Variants in LIN28B observed in about 807,000 individuals in gnomAD.
LIN28B encodes the protein lin-28 RNA binding posttranscriptional regulator B.
LIN28B carries 5 observed loss-of-function variants against 21.9 expected under a neutral mutation model. That is an observed-to-expected ratio of 0.23 (90% CI 0.12 to 0.48). The LOEUF (loss-of-function observed/expected upper bound fraction) is 0.48, where lower values mean the gene tolerates loss of function less well. Among genes scored for constraint, LIN28B ranks in the 20% least tolerant of loss-of-function variants. LIN28B has a pLI of 0.98. For missense variants in LIN28B, 245 were observed against 310.5 expected (o/e 0.79, Z 1.58); for synonymous variants, 109 against 111.3 (o/e 0.98, Z 0.13).
At chr6:104,941,543 C>A (rs1390058336) in intron 2 of LIN28B, 1 of 148,778 alleles carries the variant, frequency 6.7e-6, no homozygotes, top group South Asian at 2.1e-4. Context: ...TCCTCGCGGC[C>A]GGTGCCGGCT....
intron 3 of LIN28B, among the ~76,000 whole-genome samples, chr6:105,055,552 T>G (rs1347500490): frequency 1.3e-5 from 2 of 152,168 alleles, no homozygotes; most frequent in African/African-American, 4.8e-5. Context: ...GGCAGAGAGA[T>G]AAGCAAAAAT....
chr6:105,082,555 C>G lies in LIN28B; in HGVS notation c.*3772C>G, dbSNP rs1372106575. The G allele has an allele frequency of 3.9e-5, 6 of 152,706 alleles. No homozygotes were observed. The East Asian group carries it at 1.2e-3, about 29-fold the overall frequency. 9.5% of individuals were successfully genotyped at this position (152,706 alleles called of 1,614,324 possible). ...GTTATAAAATTTGGGAAAGTATGTA[C>G]AAGTGCAGCTGCACTGACTTTAATT... is the stretch of plus-strand genomic sequence containing the variant. On this transcript the variant is annotated 3_prime_UTR_variant, in exon 4 of 4. Transcript: ENST00000345080.
chr6:104,942,870 A>G lies in LIN28B; in HGVS notation c.18+5754A>G, dbSNP rs201125230. Among the ~76,000 whole-genome samples, 6 of 151,510 alleles carry G rather than the reference A, an allele frequency of 4.0e-5. No homozygotes were observed. The East Asian group carries it at 1.2e-3, about 29-fold the overall frequency. ...ATTTAAGGAATTGGATCGGGTTGTA[A>G]TGCATATTGGTTTTTGGTAACTTTA... On this transcript the variant is annotated intron_variant, in intron 2 of 5. Transcript: ENST00000635857.
At chr6:105,032,173 T>C (rs1771439207) in intron 3 of LIN28B, among the ~76,000 whole-genome samples, 2 of 152,218 alleles carry the variant, frequency 1.3e-5, no homozygotes, top group African/African-American at 4.8e-5. Context: ...TATTAATCTA[T>C]TGAAGGGCAT....
intron 2 of LIN28B, among the ~76,000 whole-genome samples, chr6:104,942,907 C>CAATT (rs140791): frequency 0.72 from 108,739 of 151,594 alleles, 39,196 homozygotes; most frequent in African/African-American, 0.79. Context: ...AGGTGCTTCT[C>CAATT]AATAGATCTG....
At chr6:104,993,864 A>C (rs1770545448) in intron 2 of LIN28B, among the ~76,000 whole-genome samples, 1 of 151,588 alleles carries the variant, frequency 6.6e-6, no homozygotes, top group African/African-American at 2.4e-5. Flanking sequence ...TAAGACCCTT[A>C]ATTTTGTGAG....
At chr6:105,044,390 A>G (rs1228791137) in intron 3 of LIN28B, among the ~76,000 whole-genome samples, 1 of 151,940 alleles carries the variant, frequency 6.6e-6, no homozygotes, top group Non-Finnish European at 1.5e-5. Flanking sequence ...CTGTTCTGAG[A>G]TATTATTATA....
At position 104,957,185 on chromosome 6, in the gene LIN28B, G is replaced by A. The variant is rs1180600507; in HGVS notation, c.-66G>A. On this transcript the variant is annotated 5_prime_UTR_variant, in exon 1 of 4. Coordinates refer to ENST00000345080, the MANE Select transcript of LIN28B (RefSeq NM_001004317.4). ...ATCAAGATGTTAGATTGATGCAGAA[G>A]ATCACTCCGTTCCAAAGGGAAAGTT... 2 of 1,613,902 alleles carry A rather than the reference G, an allele frequency of 1.2e-6. No homozygotes were observed. Among genetic ancestry groups the A allele is most frequent in the East Asian group, 4.5e-5 (2 of 44,836 alleles).
rs552674742 is a variant in LIN28B at position 104,942,166 on chromosome 6, CCTATT to C, written c.18+5056_18+5060del. ...ATGCAAGGGGAAAATAAATTATACT[CCTATT>C]CTATTGTAGTTTTTTATTTATCGAT... On this transcript the variant is annotated intron_variant, in intron 2 of 5. Coordinates refer to the LIN28B transcript ENST00000635857. Among the ~76,000 whole-genome samples, 35 of 152,184 alleles carry C rather than the reference CCTATT, an allele frequency of 2.3e-4. No homozygotes were observed. In the Middle Eastern group the frequency reaches 0.027, roughly 118 times the overall value.
At chr6:105,059,945 C>T (rs143789849) in intron 3 of LIN28B, among the ~76,000 whole-genome samples, 2,137 of 151,594 alleles carry the variant, frequency 0.014, 66 homozygotes, top group African/African-American at 0.049. Flanking sequence ...CTCTTGTTGC[C>T]CAGGCTGGAG....
chr6:105,009,717 C>T (rs990713213), intron 2 of LIN28B, among the ~76,000 whole-genome samples: 1 of 152,154 alleles, frequency 6.6e-6, no homozygotes, highest in Non-Finnish European at 1.5e-5. Flanking sequence ...TCAAATATAA[C>T]TTCTCAGAAA....
chr6:105,005,560 A>G (rs757782640), intron 2 of LIN28B, among the ~76,000 whole-genome samples: 1 of 152,066 alleles, frequency 6.6e-6, no homozygotes, highest in Non-Finnish European at 1.5e-5. Flanking sequence ...TTCTCTTGAG[A>G]TATGATGGGT....
At chr6:105,041,283 G>A (rs1004388463) in intron 3 of LIN28B, among the ~76,000 whole-genome samples, 11 of 151,918 alleles carry the variant, frequency 7.2e-5, no homozygotes, top group Non-Finnish European at 1.3e-4. Flanking sequence ...GGCATCTCGC[G>A]AATTTACCTT....
At chr6:104,986,407 G>C (rs995244288) in intron 2 of LIN28B, among the ~76,000 whole-genome samples, 1 of 151,820 alleles carries the variant, frequency 6.6e-6, no homozygotes, top group Non-Finnish European at 1.5e-5. Context: ...CCCAATTATT[G>C]TTACTTTATA....
intron 3 of LIN28B, among the ~76,000 whole-genome samples, chr6:105,051,417 C>T (rs574821446): frequency 1.5e-4 from 22 of 149,774 alleles, no homozygotes; most frequent in African/African-American, 4.9e-4. Flanking sequence ...CCAGCCTGGG[C>T]GACAGAGCGA....
chr6:104,961,458 T>C lies in LIN28B; in HGVS notation c.198+3172T>C, dbSNP rs146144526. Among the ~76,000 whole-genome samples, 561 of 152,242 alleles carry C rather than the reference T, an allele frequency of 3.7e-3. 3 individuals carry two copies. Among genetic ancestry groups the C allele is most frequent in the African/African-American group, 0.013 (540 of 41,542 alleles). Reference sequence around the variant, plus strand: ...CACTGTCACCCGGGCTGGAGTGCAGTGGTGAGATCTCGGCTCACTGCAACC... The same window carrying C: ...CACTGTCACCCGGGCTGGAGTGCAGCGGTGAGATCTCGGCTCACTGCAACC... On this transcript the variant is annotated intron_variant, in intron 2 of 3. Transcript: ENST00000345080.
At chr6:105,063,732 A>G (rs1428602813) in intron 3 of LIN28B, among the ~76,000 whole-genome samples, 1 of 151,606 alleles carries the variant, frequency 6.6e-6, no homozygotes, top group Non-Finnish European at 1.5e-5. Flanking sequence ...GCACATGTCT[A>G]CTTGAAAGAA....
chr6:105,018,895 G>A (rs946769821), intron 2 of LIN28B, among the ~76,000 whole-genome samples: 2 of 151,664 alleles, frequency 1.3e-5, no homozygotes, highest in Admixed American at 6.6e-5. Flanking sequence ...TAAATAGATG[G>A]TGTATAAAAT....
At chr6:104,942,811 G>A (rs1778112469) in intron 2 of LIN28B, among the ~76,000 whole-genome samples, 1 of 152,114 alleles carries the variant, frequency 6.6e-6, no homozygotes, top group Admixed American at 6.5e-5. Context: ...AGTAGGATCA[G>A]CTAATCTTTG....
Sources: allele counts gnomAD v4.1 joint callset (sites outside exome capture counted in the v4.1 genomes callset), GRCh38; gene constraint gnomAD v4.1.1; transcripts MANE v1.5; gene names NCBI Gene and HGNC (gene_info 2026-07-23, HGNC 2026-07-21).